RAP1GAP2: variants seen among roughly 807,000 people sequenced by gnomAD.
The protein encoded by RAP1GAP2 is rap1 GTPase-activating protein 2.
In RAP1GAP2, 27 loss-of-function variants were observed where a neutral mutation model predicts 95.0. The ratio of observed to expected loss-of-function variants is 0.28; its 90% CI spans 0.21 to 0.39. The LOEUF is 0.39. Among genes scored for constraint, RAP1GAP2 ranks in the 10% least tolerant of loss-of-function variants. The probability of loss-of-function intolerance (pLI) is 1.00; values close to 1 mark genes in which losing one functional copy is unlikely to be tolerated. For missense variants in RAP1GAP2, 771 were observed against 970.0 expected (o/e 0.79, Z 2.72); for synonymous variants, 373 against 380.9 (o/e 0.98, Z 0.24).
Position 2,903,396 on chromosome 17 carries a change from G to A in RAP1GAP2, c.81-1888G>A, listed in dbSNP as rs1216780773. On this transcript the variant is annotated intron_variant, in intron 2 of 24. Coordinates refer to ENST00000254695, the MANE Select transcript of RAP1GAP2 (RefSeq NM_015085.5). The surrounding 1 kb of genome is among the most constrained non-coding windows in gnomAD (Gnocchi z 4.1). ...AGGTGAGTGTCTGGCAGAGCAGCCA[G>A]ACTGGAGCCTACGGTGGTAATGTCC... Among the ~76,000 whole-genome samples the A allele has an allele frequency of 6.6e-6, 1 of 152,204 alleles. No individual in the cohort carries two copies. Among genetic ancestry groups the A allele is most frequent in the Non-Finnish European group, 1.5e-5 (1 of 68,036 alleles).
intron 1 of RAP1GAP2, among the ~76,000 whole-genome samples, chr17:2,782,218 G>C (rs1236983981): frequency 6.6e-6 from 1 of 152,190 alleles, no homozygotes; most frequent in Admixed American, 6.5e-5. Flanking sequence ...CCCTCTGGCT[G>C]TGTGGGCGTC....
At chr17:2,802,163 C>T (rs566305961) in intron 2 of RAP1GAP2, among the ~76,000 whole-genome samples, 14 of 152,334 alleles carry the variant, frequency 9.2e-5, no homozygotes, top group African/African-American at 1.9e-4. Context: ...TCCCCCATCT[C>T]GGCAGAAGGT....
chr17:2,950,684 C>T lies in RAP1GAP2; in HGVS notation c.166-7075C>T, dbSNP rs148533997. Among the ~76,000 whole-genome samples, 450 of 148,788 alleles carry T rather than the reference C, an allele frequency of 3.0e-3. 5 individuals carry two copies. Among genetic ancestry groups the T allele is most frequent in the South Asian group, 0.026 (122 of 4,672 alleles). On this transcript the variant is annotated intron_variant, in intron 3 of 24. Coordinates refer to ENST00000254695, the MANE Select transcript of RAP1GAP2 (RefSeq NM_015085.5). Reference sequence around the variant, plus strand: ...GAAGGGCAATGGTGTGATCTCAGCTCACTGCAACCTCTGCCTCCAAGGCTC... The same window carrying T: ...GAAGGGCAATGGTGTGATCTCAGCTTACTGCAACCTCTGCCTCCAAGGCTC...
intron 8 of RAP1GAP2, among the ~76,000 whole-genome samples, chr17:2,967,400 C>T (rs561230459): frequency 6.6e-5 from 10 of 152,102 alleles, no homozygotes; most frequent in South Asian, 6.2e-4. Flanking sequence ...ACAACAACGA[C>T]GACAACAACA....
At position 2,981,304 on chromosome 17, in the gene RAP1GAP2, G is replaced by C. The variant is rs1037392494; in HGVS notation, c.729+56G>C. On this transcript the variant is annotated intron_variant, in intron 10 of 24. Transcript: ENST00000254695. ...CCCTGCAGCTTGGCAAGGATTTGCA[G>C]ACCTGTGGCTCTTTGGGGAGTTCTC... is the stretch of plus-strand genomic sequence containing the variant. 1.3e-4 allele frequency: 188 copies of C among 1,497,096 alleles called. 1 individual carries two copies. In the South Asian group the frequency reaches 2.1e-3, roughly 17 times the overall value. 92.7% of individuals were successfully genotyped at this position (1,497,096 alleles called of 1,614,324 possible). A position where few individuals can be genotyped will look rare whatever the true frequency, so the allele number is the denominator to read the frequency against.
intron 1 of RAP1GAP2, among the ~76,000 whole-genome samples, chr17:2,762,656 C>A (rs1469654770): frequency 6.6e-6 from 1 of 151,860 alleles, no homozygotes; most frequent in Non-Finnish European, 1.5e-5. Flanking sequence ...TTGCCTTGGC[C>A]TCCCAAAGTG....
intron 3 of RAP1GAP2, among the ~76,000 whole-genome samples, chr17:2,932,584 CAAAA>C (rs71153311): frequency 1.9e-5 from 1 of 52,326 alleles, no homozygotes. Flanking sequence ...GACTCCATCT[CAAAA>C]AAAAAAAAAA....
At chr17:2,923,213 T>C (rs145245119) in intron 3 of RAP1GAP2, among the ~76,000 whole-genome samples, 3 of 152,116 alleles carry the variant, frequency 2.0e-5, no homozygotes, top group African/African-American at 7.2e-5. Context: ...TTAATTTTTG[T>C]ATTTTTAATA....
At position 2,868,559 on chromosome 17, in the gene RAP1GAP2, C is replaced by A. The variant is rs934097189; in HGVS notation, c.81-36725C>A. 2.7e-5 allele frequency among the ~76,000 whole-genome samples: 4 copies of A among 149,212 alleles called. No individual in the cohort carries two copies. The East Asian group carries it at 7.7e-4, about 29-fold the overall frequency. On this transcript the variant is annotated intron_variant, in intron 2 of 24. Coordinates refer to ENST00000254695, the MANE Select transcript of RAP1GAP2 (RefSeq NM_015085.5). ...TTGAGATGGAGTCTTGCTCTGTCAC[C>A]CAGGCTGGAGTGCAGTGGCACGATC...
intron 3 of RAP1GAP2, among the ~76,000 whole-genome samples, chr17:2,931,738 C>G (rs1597645883): frequency 6.6e-6 from 1 of 152,330 alleles, no homozygotes; most frequent in Non-Finnish European, 1.5e-5. Flanking sequence ...AGGAACAGAA[C>G]ATGCAATTTG....
chr17:3,032,570 CAA>C (rs1436482038), intron 24 of RAP1GAP2, 121 bp downstream of exon 24: 1 of 960,202 alleles, frequency 1.0e-6, no homozygotes, highest in Admixed American at 2.0e-5. Flanking sequence ...TGGGGATGTC[CAA>C]AGAGTCTCCT....
intron 3 of RAP1GAP2, among the ~76,000 whole-genome samples, chr17:2,935,008 C>G (rs1397721248): frequency 6.6e-6 from 1 of 152,192 alleles, no homozygotes; most frequent in East Asian, 1.9e-4. Flanking sequence ...TCTCAGCATC[C>G]TGTACCATCT....
At chr17:2,990,052 C>T (rs575697382) in intron 11 of RAP1GAP2, among the ~76,000 whole-genome samples, 6 of 152,274 alleles carry the variant, frequency 3.9e-5, no homozygotes, top group East Asian at 1.9e-4. Context: ...TTATCCAGGT[C>T]GTAGTATGTA....
rs1372336159 is a variant in RAP1GAP2, at chr17:2,904,189, A to G, written c.81-1095A>G. Reference sequence around the variant, plus strand: ...AGCCCCCTCGTCCCCTCCTGGGTACAGCCAGAGCTTGTTCAGGACACTGGA... The same window carrying G: ...AGCCCCCTCGTCCCCTCCTGGGTACGGCCAGAGCTTGTTCAGGACACTGGA... On this transcript the variant is annotated intron_variant, in intron 2 of 24. Coordinates refer to ENST00000254695, the MANE Select transcript of RAP1GAP2 (RefSeq NM_015085.5). The surrounding 1 kb of genome is among the most constrained non-coding windows in gnomAD (Gnocchi z 4.7). 6.6e-6 allele frequency among the ~76,000 whole-genome samples: 1 copy of G among 152,080 alleles called. No homozygotes were observed. The highest frequency in any genetic ancestry group is 1.9e-4 in the East Asian group (1 of 5,182).
At chr17:2,841,071 C>T (rs1466008886) in intron 2 of RAP1GAP2, among the ~76,000 whole-genome samples, 2 of 151,684 alleles carry the variant, frequency 1.3e-5, no homozygotes, top group Non-Finnish European at 2.9e-5. Flanking sequence ...AGGAGAATCG[C>T]TCGAACCTGG....
At chr17:2,921,682 C>T (rs1388694118) in intron 3 of RAP1GAP2, among the ~76,000 whole-genome samples, 10 of 150,918 alleles carry the variant, frequency 6.6e-5, no homozygotes, top group African/African-American at 2.4e-4. Flanking sequence ...GTCAGCAGGG[C>T]CGTTAAGGTG....
intron 1 of RAP1GAP2, among the ~76,000 whole-genome samples, chr17:2,780,556 C>T (rs944013425): frequency 2.0e-5 from 3 of 151,720 alleles, no homozygotes; most frequent in Non-Finnish European, 4.4e-5. Context: ...GCAATGTGCA[C>T]CCCCCCCAGG....
intron 2 of RAP1GAP2, among the ~76,000 whole-genome samples, chr17:2,839,831 C>T (rs1196172912): frequency 2.0e-5 from 3 of 152,092 alleles, no homozygotes; most frequent in Admixed American, 6.6e-5. Context: ...CGGAGTTTTG[C>T]TCTTGTTGCC....
Position 2,904,636 on chromosome 17 carries a change from A to G in RAP1GAP2, c.81-648A>G, listed in dbSNP as rs2042139252. On this transcript the variant is annotated intron_variant, in intron 2 of 24. Coordinates refer to ENST00000254695, the MANE Select transcript of RAP1GAP2 (RefSeq NM_015085.5). The surrounding 1 kb of genome is among the most constrained non-coding windows in gnomAD (Gnocchi z 4.7). ...CCCTCCTCTTCTCACACCCAGCCCC[A>G]GTCCTGGATCTCTTTAGCCCCGTGG... Among the ~76,000 whole-genome samples the G allele has an allele frequency of 6.7e-6, 1 of 150,308 alleles. No homozygotes were observed. Among genetic ancestry groups the G allele is most frequent in the Admixed American group, 6.7e-5 (1 of 14,970 alleles).
Sources: allele counts gnomAD v4.1 joint callset (sites outside exome capture counted in the v4.1 genomes callset), GRCh38; gene constraint gnomAD v4.1.1; non-coding constraint Gnocchi (gnomAD v3.1); transcripts MANE v1.5; gene names NCBI Gene and HGNC (gene_info 2026-07-23, HGNC 2026-07-21).